The following MACF1 variants were observed in gnomAD, a reference collection of about 807,000 sequenced individuals.
MACF1 encodes the protein microtubule-actin cross-linking factor 1.
MACF1 carries 193 observed loss-of-function variants against 854.8 expected under a neutral mutation model. The ratio of observed to expected loss-of-function variants is 0.23; its 90% CI spans 0.20 to 0.25. The LOEUF (loss-of-function observed/expected upper bound fraction) is 0.25. Among genes scored for constraint, MACF1 ranks in the 10% least tolerant of loss-of-function variants. The pLI is 1.00. For synonymous variants in MACF1, 3,185 were observed against 3,226.7 expected, an observed-to-expected ratio of 0.99 and a Z score of 0.44; for missense variants, 7,722 against 8,929.1, an observed-to-expected ratio of 0.86 and a Z score of 5.45.
In MACF1 at chr1:39,485,705, A is replaced by T; in HGVS notation, c.22579A>T (p.Arg7527Trp). The T allele has an allele frequency of 6.2e-7, 1 of 1,614,064 alleles. No homozygotes were observed. The highest frequency in any genetic ancestry group is 8.5e-7 in the Non-Finnish European group (1 of 1,179,980). The change falls in exon 101 of 101, where the codon AGG (arginine) becomes TGG (tryptophan). Residue 7527 changes from arginine to tryptophan, a missense_variant. Arg to Trp is a moderately radical substitution (Grantham distance 101). Transcript: ENST00000564288. ...SSAAGGQGNS[R>W]RGLNKPSKIP... ...CGCTGCAGGGGGCCAAGGCAACTCCAGGAGAGGGCTAAACAAACCTTCCAA... is the reference window on the plus strand; with the variant it reads ...CGCTGCAGGGGGCCAAGGCAACTCCTGGAGAGGGCTAAACAAACCTTCCAA...
chr1:39,422,923 T>A, intron 60 of MACF1, 23 bp downstream of exon 60: 1 of 1,609,962 alleles, frequency 6.2e-7, no homozygotes. Flanking sequence ...GTTGGGACAG[T>A]GAACTGTAAC....
chr1:39,219,363 T>C (rs964065947), intron 1 of MACF1, among the ~76,000 whole-genome samples: 4 of 152,216 alleles, frequency 2.6e-5, no homozygotes, highest in African/African-American at 9.6e-5. Context: ...TTTGGGAAGA[T>C]TACTAACAAG....
chr1:39,272,740 A>G (rs1385623120), intron 6 of MACF1, among the ~76,000 whole-genome samples: 2 of 152,188 alleles, frequency 1.3e-5, no homozygotes, highest in Non-Finnish European at 2.9e-5. Flanking sequence ...GGGTTTAGAT[A>G]GTAGAATATA....
intron 2 of MACF1, among the ~76,000 whole-genome samples, chr1:39,149,000 A>C (rs180915292): frequency 8.5e-4 from 129 of 152,336 alleles, no homozygotes; most frequent in African/African-American, 2.9e-3. Flanking sequence ...GTTTCTAGGA[A>C]TATTAATATA....
intron 31 of MACF1, 72 bp from the exon 32 acceptor site, chr1:39,322,536 C>A: frequency 1.5e-6 from 2 of 1,301,920 alleles, no homozygotes; most frequent in Non-Finnish European, 2.2e-6. Flanking sequence ...CAATAAAAAG[C>A]TATGATTTAT....
In MACF1 at chr1:39,335,685, A is replaced by G. The variant is rs1646799214; in HGVS notation, c.9097A>G (p.Met3033Val). The G allele has an allele frequency of 1.9e-6, 3 of 1,613,654 alleles. No individual in the cohort carries two copies. The highest frequency in any genetic ancestry group is 2.5e-6 in the Non-Finnish European group (3 of 1,179,962). The change falls in exon 37 of 101, where the codon ATG becomes GTG. Residue 3033 changes from methionine (M) to valine (V), a missense_variant. Coordinates refer to ENST00000564288, the MANE Select transcript of MACF1 (RefSeq NM_001394062.1). ...SEKGKEADTE[M>V]GFSITFKIEE... ...AAAAGGGAAAGAAGCTGATACAGAA[A>G]TGGGATTTTCTATTACTTTTAAAAT...
At chr1:39,184,578 AAG>A (rs553896775) in intron 2 of MACF1, among the ~76,000 whole-genome samples, 1 of 152,116 alleles carries the variant, frequency 6.6e-6, no homozygotes, top group Non-Finnish European at 1.5e-5. Flanking sequence ...TGTATGGTTG[AAG>A]CTGATAAGGT....
intron 44 of MACF1, among the ~76,000 whole-genome samples, chr1:39,354,156 A>G (rs1415537613): frequency 6.6e-6 from 1 of 152,128 alleles, no homozygotes; most frequent in Non-Finnish European, 1.5e-5. Flanking sequence ...ATCTGCTTAT[A>G]TTGATTCCTT....
chr1:39,270,802 C>T (rs1194998340), intron 6 of MACF1, among the ~76,000 whole-genome samples: 5 of 151,434 alleles, frequency 3.3e-5, no homozygotes, highest in African/African-American at 1.2e-4. Flanking sequence ...ATATGGTCTA[C>T]CTACTGGTGC....
intron 50 of MACF1, 128 bp downstream of exon 50, chr1:39,368,442 G>T: frequency 1.1e-6 from 1 of 949,388 alleles, no homozygotes; most frequent in Non-Finnish European, 1.5e-6. Flanking sequence ...TGAGTTGTAG[G>T]AGGGTGAAAA....
At chr1:39,113,093 A>G (rs1018422882) in intron 2 of MACF1, among the ~76,000 whole-genome samples, 3 of 152,126 alleles carry the variant, frequency 2.0e-5, no homozygotes, top group African/African-American at 7.2e-5. Flanking sequence ...TAACCTCTTC[A>G]TTAATCCTGC....
At chr1:39,413,176 C>T in intron 58 of MACF1, 1 of 1,613,448 alleles carries the variant, frequency 6.2e-7, no homozygotes, top group Non-Finnish European at 8.5e-7. Context: ...GGATGGTACA[C>T]CAGAAGGGCC....
chr1:39,406,784 C>T lies in MACF1; in HGVS notation c.15817-15590C>T, dbSNP rs150495728. Among the ~76,000 whole-genome samples, 318 of 143,068 alleles carry T rather than the reference C, an allele frequency of 2.2e-3. 1 individual carries two copies. The highest frequency in any genetic ancestry group is 2.9e-3 in the Non-Finnish European group (191 of 66,692). The allele number at this position is 143,068 out of a possible 152,430, so 93.9% of individuals were successfully genotyped here. ...CATTCTTTATAATAGAATAACCACC[C>T]ATGTTTCATCCAGAGCCAGAATTCC... On this transcript the variant is annotated intron_variant, in intron 58 of 100. Transcript: ENST00000564288.
rs768053941 is a variant in MACF1, at chr1:39,324,382, A to G, written c.4389+37A>G. The G allele has an allele frequency of 2.3e-5, 37 of 1,602,260 alleles. No homozygotes were observed. In the African/African-American group the frequency reaches 4.0e-4, roughly 17 times the overall value. On this transcript the variant is annotated intron_variant, in intron 34 of 100. Coordinates refer to ENST00000564288, the MANE Select transcript of MACF1 (RefSeq NM_001394062.1). Reference sequence around the variant, plus strand: ...GTCCATCTCTGTTTACCTGGGTAGAATAATATGTGATAATACATTAGGTGG... The same window carrying G: ...GTCCATCTCTGTTTACCTGGGTAGAGTAATATGTGATAATACATTAGGTGG...
At chr1:39,103,313 G>A in intron 2 of MACF1, 1 of 306,016 alleles carries the variant, frequency 3.3e-6, no homozygotes. Flanking sequence ...GCAGCCCCAG[G>A]TGGGAATGGA....
intron 58 of MACF1, chr1:39,411,473 C>G: frequency 6.2e-7 from 1 of 1,613,696 alleles, no homozygotes; most frequent in Non-Finnish European, 8.5e-7. Flanking sequence ...CCACAGCCAG[C>G]CAAGGACCAG....
Position 39,468,819 on chromosome 1 carries a change from G to A in MACF1, c.21889+87G>A, listed in dbSNP as rs1242724628. On this transcript the variant is annotated intron_variant, in intron 96 of 100. Transcript: ENST00000564288. ...GCTTACAGGAAGCATTGATGGTGGG[G>A]TCTGTCTGTTTTTTATTTTGTTAAG... 13 of 1,220,326 alleles carry A rather than the reference G, an allele frequency of 1.1e-5. No individual in the cohort carries two copies. In the Admixed American group the frequency reaches 1.2e-4, roughly 12 times the overall value. The allele number at this position is 1,220,326 out of a possible 1,614,324, so 75.6% of individuals were successfully genotyped here.
chr1:39,319,796 A>T lies in MACF1; in HGVS notation c.4029+49A>T, dbSNP rs749830363. 2.3e-6 allele frequency: 3 copies of T among 1,318,306 alleles called. No individual in the cohort carries two copies. In the African/African-American group the frequency reaches 4.4e-5, roughly 19 times the overall value. The allele number at this position is 1,318,306 out of a possible 1,614,324, so 81.7% of individuals were successfully genotyped here. A position where few individuals can be genotyped will look rare whatever the true frequency, so the allele number is the denominator to read the frequency against. The stretch of plus-strand genomic sequence containing the variant: ...GAACATGAATCATCACCAGCTCAGG[A>T]AAACCTACATCTTCACTGTAGGTTC... On this transcript the variant is annotated intron_variant, in intron 31 of 100. Coordinates refer to ENST00000564288, the MANE Select transcript of MACF1 (RefSeq NM_001394062.1).
At chr1:39,470,678 T>A (rs1398958948) in intron 97 of MACF1, among the ~76,000 whole-genome samples, 2 of 152,196 alleles carry the variant, frequency 1.3e-5, no homozygotes, top group Non-Finnish European at 2.9e-5. Context: ...ACTTAAAAAC[T>A]TGAAAGTATT....
Sources: allele counts gnomAD v4.1 joint callset (sites outside exome capture counted in the v4.1 genomes callset), GRCh38; gene constraint gnomAD v4.1.1; transcripts MANE v1.5; gene names NCBI Gene and HGNC (gene_info 2026-07-23, HGNC 2026-07-21).